Variants in GADL1 observed in about 807,000 individuals in gnomAD.
The protein encoded by GADL1 is acidic amino acid decarboxylase GADL1.
A neutral mutation model predicts 69.5 loss-of-function variants in GADL1; 71 were observed. The ratio of observed to expected loss-of-function variants is 1.02; its 90% CI spans 0.84 to 1.25. The LOEUF is 1.25. Among genes scored for constraint, GADL1 ranks in the 50% most tolerant of loss-of-function variants. GADL1 has a pLI of 0.00. For missense variants in GADL1, 737 were observed against 631.8 expected (o/e 1.17, Z -1.79); for synonymous variants, 254 against 214.4 (o/e 1.18, Z -1.62).
intron 9 of GADL1, among the ~76,000 whole-genome samples, chr3:30,838,282 C>G (rs1027144448): frequency 1.3e-5 from 2 of 152,070 alleles, no homozygotes; most frequent in Non-Finnish European, 2.9e-5. Context: ...AAAAGCTCCA[C>G]AAGTGTTCAT....
chr3:30,809,011 T>A (rs1697307890), intron 11 of GADL1, among the ~76,000 whole-genome samples: 1 of 152,184 alleles, frequency 6.6e-6, no homozygotes, highest in Non-Finnish European at 1.5e-5. Flanking sequence ...CTTCATATAC[T>A]CAACTCTACT....
In GADL1 at chr3:30,812,325, C is replaced by T. The variant is rs541099909; in HGVS notation, c.1051-11237G>A. On this transcript the variant is annotated intron_variant, in intron 11 of 14. Transcript: ENST00000282538. ...CTATGTATATTAGTCTGTTTTCATGCTGCTCATAGATATACCAGAGACTGG... is the reference window on the plus strand; with the variant it reads ...CTATGTATATTAGTCTGTTTTCATGTTGCTCATAGATATACCAGAGACTGG... 2.6e-5 allele frequency among the ~76,000 whole-genome samples: 4 copies of T among 152,322 alleles called. No homozygotes were observed. In the South Asian group the frequency reaches 8.3e-4, roughly 32 times the overall value.
chr3:30,857,615 G>A (rs1024675408), intron 2 of GADL1, among the ~76,000 whole-genome samples: 1 of 152,098 alleles, frequency 6.6e-6, no homozygotes, highest in African/African-American at 2.4e-5. Context: ...GCCCTATGCA[G>A]TCTGCTATCG....
chr3:30,793,732 T>A (rs1239828915), intron 12 of GADL1, among the ~76,000 whole-genome samples: 1 of 152,192 alleles, frequency 6.6e-6, no homozygotes, highest in African/African-American at 2.4e-5. Flanking sequence ...TGTTTTTATT[T>A]TTCTTGTCCT....
chr3:30,874,211 T>C (rs904982128), intron 1 of GADL1, among the ~76,000 whole-genome samples: 1 of 151,890 alleles, frequency 6.6e-6, no homozygotes, highest in African/African-American at 2.4e-5. Context: ...TATATAAAAT[T>C]GGAGCAAATG....
intron 9 of GADL1, among the ~76,000 whole-genome samples, chr3:30,836,384 T>C (rs1207496587): frequency 7.7e-6 from 1 of 129,900 alleles, no homozygotes; most frequent in Non-Finnish European, 1.5e-5. Context: ...AGCTCATCCA[T>C]AAATTTATTC....
intron 1 of GADL1, among the ~76,000 whole-genome samples, chr3:30,868,434 G>A (rs1698434241): frequency 1.3e-5 from 2 of 151,956 alleles, no homozygotes; most frequent in Non-Finnish European, 1.5e-5. Flanking sequence ...CACCATAGTG[G>A]ATTCCAAAGC....
intron 1 of GADL1, among the ~76,000 whole-genome samples, chr3:30,873,537 A>G (rs180705036): frequency 6.6e-6 from 1 of 151,936 alleles, no homozygotes; most frequent in Non-Finnish European, 1.5e-5. Context: ...TATCAACCAC[A>G]CTAAACTATT....
intron 12 of GADL1, among the ~76,000 whole-genome samples, chr3:30,797,451 G>T (rs1697060824): frequency 1.3e-5 from 2 of 152,128 alleles, no homozygotes; most frequent in African/African-American, 2.4e-5. Flanking sequence ...GGACATCCCA[G>T]GCATTGATCT....
At chr3:30,729,625 T>C (rs1695425064) in intron 14 of GADL1, among the ~76,000 whole-genome samples, 1 of 152,166 alleles carries the variant, frequency 6.6e-6, no homozygotes, top group Non-Finnish European at 1.5e-5. Context: ...ATACCCACAT[T>C]TTGTCAGCAA....
intron 11 of GADL1, among the ~76,000 whole-genome samples, chr3:30,832,288 A>T (rs1697804943): frequency 6.6e-6 from 1 of 151,794 alleles, no homozygotes; most frequent in South Asian, 2.1e-4. Context: ...AATTCATGCC[A>T]TGAAAATAGA....
chr3:30,883,542 C>G (rs989454487), intron 1 of GADL1, among the ~76,000 whole-genome samples: 3 of 151,906 alleles, frequency 2.0e-5, no homozygotes, highest in African/African-American at 7.2e-5. Flanking sequence ...AGTCTTGACT[C>G]CTGTAGCTTT....
intron 1 of GADL1, among the ~76,000 whole-genome samples, chr3:30,887,036 C>T (rs1056054372): frequency 2.6e-5 from 4 of 152,200 alleles, no homozygotes; most frequent in Admixed American, 6.5e-5. Context: ...TAAGGAAGCT[C>T]GACCTCAGAA....
intron 14 of GADL1, among the ~76,000 whole-genome samples, chr3:30,734,219 T>C (rs1380539143): frequency 6.6e-6 from 1 of 152,238 alleles, no homozygotes. Flanking sequence ...TACATCTCTG[T>C]TTGCCTTTTA....
intron 14 of GADL1, among the ~76,000 whole-genome samples, chr3:30,757,124 C>CT (rs1286761381): frequency 1.3e-5 from 2 of 152,138 alleles, no homozygotes; most frequent in East Asian, 3.9e-4. Context: ...AGTAGAAAGA[C>CT]TGCTCTTAAT....
intron 14 of GADL1, among the ~76,000 whole-genome samples, chr3:30,732,844 G>A (rs1042852714): frequency 5.3e-5 from 8 of 152,266 alleles, no homozygotes; most frequent in Non-Finnish European, 8.8e-5. Context: ...GATCACTTGA[G>A]GCCAGGAGTT....
At chr3:30,796,773 T>TA (rs559473453) in intron 12 of GADL1, among the ~76,000 whole-genome samples, 188 of 152,310 alleles carry the variant, frequency 1.2e-3, no homozygotes, top group African/African-American at 4.3e-3. Flanking sequence ...TTAAAAGCCT[T>TA]AAATTACCTT....
intron 9 of GADL1, among the ~76,000 whole-genome samples, chr3:30,835,593 G>A (rs1697860875): frequency 6.6e-6 from 1 of 152,140 alleles, no homozygotes; most frequent in East Asian, 1.9e-4. Flanking sequence ...GAGTCAGGGT[G>A]CATAATTCAA....
chr3:30,764,494 C>G (rs1399222696), intron 14 of GADL1, among the ~76,000 whole-genome samples: 1 of 152,156 alleles, frequency 6.6e-6, no homozygotes, highest in Non-Finnish European at 1.5e-5. Context: ...AGTGTAGTTA[C>G]ATTTTCTTTC....
Sources: gnomAD v4.1 joint callset for allele counts (sites outside exome capture counted in the v4.1 genomes callset) on GRCh38, gnomAD v4.1.1 for gene constraint, MANE v1.5 for transcripts, NCBI Gene and HGNC (gene_info 2026-07-23, HGNC 2026-07-21) for gene names.